The following PRKCA variants were observed in gnomAD, a reference collection of about 807,000 sequenced individuals.
PRKCA encodes protein kinase C alpha.
A neutral mutation model predicts 87.0 loss-of-function variants in PRKCA; 27 were observed. That is an observed-to-expected ratio of 0.31 (90% CI 0.23 to 0.43). The LOEUF is 0.43. Among genes scored for constraint, PRKCA ranks in the 20% least tolerant of loss-of-function variants. The pLI is 1.00. For synonymous variants in PRKCA, 329 were observed against 311.1 expected, an observed-to-expected ratio of 1.06 and a Z score of -0.61; for missense variants, 518 against 852.3, an observed-to-expected ratio of 0.61 and a Z score of 4.88.
intron 16 of PRKCA, among the ~76,000 whole-genome samples, chr17:66,796,134 G>A (rs1271677033): frequency 6.6e-6 from 1 of 152,130 alleles, no homozygotes. Flanking sequence ...CTCTCTATAT[G>A]GTGAAATGAA....
chr17:66,630,082 G>A (rs1728058322), intron 3 of PRKCA, among the ~76,000 whole-genome samples: 1 of 152,072 alleles, frequency 6.6e-6, no homozygotes, highest in Admixed American at 6.5e-5. Flanking sequence ...TAAAACGTGA[G>A]CTATTCCTCA....
intron 2 of PRKCA, among the ~76,000 whole-genome samples, chr17:66,421,021 T>C (rs1267411799): frequency 6.6e-6 from 1 of 152,242 alleles, no homozygotes; most frequent in Admixed American, 6.5e-5. Flanking sequence ...TCCTAGGTTC[T>C]AAATTGGTGG....
intron 13 of PRKCA, among the ~76,000 whole-genome samples, chr17:66,771,528 G>A (rs780246721): frequency 7.2e-5 from 11 of 152,122 alleles, no homozygotes; most frequent in Non-Finnish European, 1.6e-4. Flanking sequence ...ATATGGAAAG[G>A]TTTTATATGG....
chr17:66,447,110 T>C (rs542352760), intron 2 of PRKCA, among the ~76,000 whole-genome samples: 1 of 152,250 alleles, frequency 6.6e-6, no homozygotes, highest in East Asian at 1.9e-4. Context: ...TCACTCCGAG[T>C]GTAAGAGCTC....
At chr17:66,728,486 T>G (rs911064900) in intron 8 of PRKCA, among the ~76,000 whole-genome samples, 7 of 152,232 alleles carry the variant, frequency 4.6e-5, no homozygotes, top group South Asian at 2.1e-4. Flanking sequence ...GTGTCTCCTT[T>G]GTGGATATTG....
chr17:66,698,416 A>G (rs1423082831), intron 8 of PRKCA, among the ~76,000 whole-genome samples: 1 of 152,202 alleles, frequency 6.6e-6, no homozygotes, highest in Non-Finnish European at 1.5e-5. Context: ...AAAAGAACCA[A>G]ACAGAAATTT....
intron 14 of PRKCA, among the ~76,000 whole-genome samples, chr17:66,782,873 G>C (rs1482823634): frequency 6.6e-6 from 1 of 152,320 alleles, no homozygotes; most frequent in South Asian, 2.1e-4. Flanking sequence ...CCAAATTCAG[G>C]ATGCCTGGGT....
At chr17:66,634,978 A>G (rs1971113409) in intron 3 of PRKCA, among the ~76,000 whole-genome samples, 2 of 152,330 alleles carry the variant, frequency 1.3e-5, no homozygotes, top group Admixed American at 1.3e-4. Flanking sequence ...AAAAGACAGA[A>G]ATAAAATGCT....
chr17:66,687,616 A>G (rs1221852880), intron 6 of PRKCA, among the ~76,000 whole-genome samples: 2 of 152,234 alleles, frequency 1.3e-5, no homozygotes, highest in Non-Finnish European at 2.9e-5. Context: ...AGGGGAGGGC[A>G]TAAGGCAAGA....
chr17:66,705,005 A>G (rs907133076), intron 8 of PRKCA, among the ~76,000 whole-genome samples: 1 of 152,188 alleles, frequency 6.6e-6, no homozygotes, highest in Non-Finnish European at 1.5e-5. Flanking sequence ...AATTGTAGCT[A>G]TTTGTTGATC....
intron 2 of PRKCA, among the ~76,000 whole-genome samples, chr17:66,469,417 G>C (rs749395347): frequency 2.6e-5 from 4 of 152,096 alleles, no homozygotes; most frequent in Non-Finnish European, 4.4e-5. Context: ...AAATAAGATA[G>C]AAATAAATAA....
rs1976090215 is a variant in PRKCA, at chr17:66,808,442, TCTTC to T, written c.*4406_*4409del. On this transcript the variant is annotated 3_prime_UTR_variant, in exon 17 of 17. Coordinates refer to ENST00000413366, the MANE Select transcript of PRKCA (RefSeq NM_002737.3). ...TCTGACAGTCATTTTCTCACGTTGG[TCTTC>T]TAAAGTCACCTATTTCTTGTGTGTG... 1 of 151,998 alleles carries T rather than the reference TCTTC, an allele frequency of 6.6e-6. No homozygotes were observed. The highest frequency in any genetic ancestry group is 1.5e-5 in the Non-Finnish European group (1 of 67,994). 9.4% of individuals were successfully genotyped at this position (151,998 alleles called of 1,614,324 possible).
chr17:66,519,357 G>A (rs147405073), intron 3 of PRKCA, among the ~76,000 whole-genome samples: 27 of 152,264 alleles, frequency 1.8e-4, no homozygotes, highest in Admixed American at 1.0e-3. Context: ...GTTTTTATTA[G>A]CAAGTTTATA....
intron 2 of PRKCA, among the ~76,000 whole-genome samples, chr17:66,493,695 T>C (rs540732484): frequency 1.3e-5 from 2 of 152,084 alleles, no homozygotes; most frequent in South Asian, 4.2e-4. Flanking sequence ...GTTAGGAGGA[T>C]TCAATTTGCT....
intron 3 of PRKCA, among the ~76,000 whole-genome samples, chr17:66,637,177 G>A (rs371627286): frequency 6.9e-4 from 105 of 152,276 alleles, no homozygotes; most frequent in African/African-American, 2.4e-3. Context: ...TGAGTTGCCT[G>A]TGTGCCACAT....
chr17:66,516,008 G>A (rs1966955693), intron 3 of PRKCA, among the ~76,000 whole-genome samples: 1 of 152,130 alleles, frequency 6.6e-6, no homozygotes, highest in Admixed American at 6.5e-5. Context: ...TTCAATACTT[G>A]TGTTTATTCA....
At chr17:66,357,327 C>A (rs1055705535) in intron 2 of PRKCA, among the ~76,000 whole-genome samples, 8 of 152,082 alleles carry the variant, frequency 5.3e-5, no homozygotes, top group Non-Finnish European at 1.0e-4. Context: ...GCTTTTATTA[C>A]TATTATACTT....
At chr17:66,461,997 C>T (rs1034137043) in intron 2 of PRKCA, among the ~76,000 whole-genome samples, 6 of 151,994 alleles carry the variant, frequency 3.9e-5, no homozygotes, top group Admixed American at 6.6e-5. Context: ...TTCCTGTTTC[C>T]GTGAACAGTG....
chr17:66,720,049 C>T (rs771571635), intron 8 of PRKCA, among the ~76,000 whole-genome samples: 2 of 152,214 alleles, frequency 1.3e-5, no homozygotes, highest in African/African-American at 4.8e-5. Context: ...ACAAAACAGA[C>T]GAGCCGTGCG....
Sources: allele counts gnomAD v4.1 joint callset (sites outside exome capture counted in the v4.1 genomes callset), GRCh38; gene constraint gnomAD v4.1.1; transcripts MANE v1.5; gene names NCBI Gene and HGNC (gene_info 2026-07-23, HGNC 2026-07-21).